The following PDE2A variants were observed in gnomAD, a reference collection of about 807,000 sequenced individuals.
PDE2A encodes cGMP-dependent 3',5'-cyclic phosphodiesterase.
In PDE2A, 53 loss-of-function variants were observed where a neutral mutation model predicts 133.6. The observed-to-expected ratio is 0.40, with a 90% CI of 0.32 to 0.50. PDE2A has a LOEUF of 0.50. PDE2A is among the 20% of genes least tolerant of loss of function. PDE2A has a pLI of 0.73. For synonymous variants in PDE2A, 491 were observed against 490.2 expected, an observed-to-expected ratio of 1.00 and a Z score of -0.02; for missense variants, 796 against 1,232.4, an observed-to-expected ratio of 0.65 and a Z score of 5.30.
chr11:72,639,229 C>A (rs1858845784), intron 2 of PDE2A, among the ~76,000 whole-genome samples: 1 of 152,220 alleles, frequency 6.6e-6, no homozygotes, highest in Non-Finnish European at 1.5e-5. Context: ...CAGCTCTCTC[C>A]TTTCAGATAA....
intron 2 of PDE2A, among the ~76,000 whole-genome samples, chr11:72,611,973 G>A (rs1026727639): frequency 1.3e-5 from 2 of 152,200 alleles, no homozygotes; most frequent in Admixed American, 6.5e-5. Context: ...AGGAAGGAGA[G>A]AATCAGTGGG....
chr11:72,578,136 G>A lies in PDE2A; in HGVS notation c.2615+97C>T. ...CAAGGGGATGAATCAGTTGGACCTG[G>A]GCCAGGCCAATCTCAGCACCTGTGT... On this transcript the variant is annotated intron_variant, in intron 30 of 30. Transcript: ENST00000334456. This position sits in a 1 kb window ranked among gnomAD's most constrained non-coding sequence, Gnocchi z 4.2. 1.2e-6 allele frequency: 1 copy of A among 809,764 alleles called. No homozygotes were observed. The highest frequency in any genetic ancestry group is 1.5e-5 in the South Asian group (1 of 68,720). 50.2% of individuals were successfully genotyped at this position (809,764 alleles called of 1,614,324 possible).
chr11:72,673,086 A>G (rs1268882582), intron 1 of PDE2A, among the ~76,000 whole-genome samples: 1 of 152,092 alleles, frequency 6.6e-6, no homozygotes, highest in Non-Finnish European at 1.5e-5. Context: ...ATCCACCTCC[A>G]CACACAGCAA....
chr11:72,605,018 C>T (rs546006066), intron 4 of PDE2A, 120 bp downstream of exon 4: 53 of 569,676 alleles, frequency 9.3e-5, no homozygotes, highest in Non-Finnish European at 1.5e-4. Context: ...TCCCACCTGG[C>T]AGGGAGGCGG....
intron 1 of PDE2A, among the ~76,000 whole-genome samples, chr11:72,655,071 G>A (rs527947679): frequency 1.3e-5 from 2 of 152,296 alleles, no homozygotes; most frequent in Admixed American, 1.3e-4. Context: ...GGGCTGGCAG[G>A]TGAATGGCAG....
At chr11:72,605,313 G>T in intron 3 of PDE2A, 87 bp from the exon 4 acceptor site, 1 of 627,204 alleles carries the variant, frequency 1.6e-6, no homozygotes, top group Non-Finnish European at 2.6e-6. Flanking sequence ...TGTGGGGCAA[G>T]GTCATGGAAC....
chr11:72,649,359 C>T (rs1000960686), intron 1 of PDE2A: 3 of 152,288 alleles, frequency 2.0e-5, no homozygotes, highest in Non-Finnish European at 4.4e-5. Flanking sequence ...TTTTGTAGGA[C>T]TTACCCAGCT....
intron 2 of PDE2A, among the ~76,000 whole-genome samples, chr11:72,629,905 A>C (rs1409184434): frequency 6.6e-6 from 1 of 152,112 alleles, no homozygotes; most frequent in South Asian, 2.1e-4. Flanking sequence ...GGCTCCTGGC[A>C]CACAGGAGGG....
At chr11:72,642,355 TGTG>T in intron 1 of PDE2A, 29 bp from the exon 2 acceptor site, 1 of 1,520,878 alleles carries the variant, frequency 6.6e-7, no homozygotes, top group South Asian at 1.3e-5. Flanking sequence ...GCGATGAGGA[TGTG>T]GTGCAGCACC....
chr11:72,661,979 A>C (rs888557115), intron 1 of PDE2A, among the ~76,000 whole-genome samples: 2 of 151,962 alleles, frequency 1.3e-5, no homozygotes, highest in Non-Finnish European at 2.9e-5. Context: ...TGTCTGTGCT[A>C]TGGTCTGCTT....
chr11:72,588,756 T>G lies in PDE2A; in HGVS notation c.1070+28A>C, dbSNP rs1179549628. 4 of 1,572,318 alleles carry G rather than the reference T, an allele frequency of 2.5e-6. No individual in the cohort carries two copies. In the African/African-American group the frequency reaches 5.4e-5, roughly 21 times the overall value. On this transcript the variant is annotated intron_variant, in intron 13 of 30. Transcript: ENST00000334456. Reference sequence around the variant, plus strand: ...TAGCCAGCCTCTCAGTGACATCTCCTGATCTGCATCATCCCACAAAGACTC... The same window carrying G: ...TAGCCAGCCTCTCAGTGACATCTCCGGATCTGCATCATCCCACAAAGACTC...
At position 72,586,097 on chromosome 11, in the gene PDE2A, C is replaced by T; in HGVS notation, c.1155G>A (p.Lys385=). 6.2e-7 allele frequency: 1 copy of T among 1,611,628 alleles called. No homozygotes were observed. The highest frequency in any genetic ancestry group is 8.5e-7 in the Non-Finnish European group (1 of 1,178,554). Residue 385 remains lysine (K), a synonymous_variant, in exon 14 of 31, where the codon AAG becomes AAA. Coordinates refer to ENST00000334456, the MANE Select transcript of PDE2A (RefSeq NM_002599.5). ...TVLTSTLAFQ[K]EQKLKCECQA... is the part of the protein sequence containing the mutation. ...GGCACTCACACTTGAGTTTCTGTTC[C>T]TTCTGGAAGGCCAGGGTGCTGGTGA...
At chr11:72,630,973 C>T (rs985782055) in intron 2 of PDE2A, 1 of 913,136 alleles carries the variant, frequency 1.1e-6, no homozygotes, top group Non-Finnish European at 1.7e-6. Flanking sequence ...GGATGTGACT[C>T]CAGCCTCCCC....
chr11:72,584,785 G>A, intron 17 of PDE2A, 57 bp from the exon 18 acceptor site: 6 of 1,609,850 alleles, frequency 3.7e-6, no homozygotes. Flanking sequence ...CCACAGAGGG[G>A]ACTGTTAAAC....
chr11:72,577,307 C>T lies in PDE2A; in HGVS notation c.*77G>A. ...GGTCTAGGACCCAGGACCCGTGGCT[C>T]TGTTCCCAGTGCATCTGGCCAGACC... On this transcript the variant is annotated 3_prime_UTR_variant, in exon 31 of 31. Coordinates refer to ENST00000334456, the MANE Select transcript of PDE2A (RefSeq NM_002599.5). 2 of 1,145,172 alleles carry T rather than the reference C, an allele frequency of 1.7e-6. No homozygotes were observed. Among genetic ancestry groups the T allele is most frequent in the South Asian group, 2.8e-5 (2 of 72,570 alleles). The allele number at this position is 1,145,172 out of a possible 1,614,324, so 70.9% of individuals were successfully genotyped here. A position where few individuals can be genotyped will look rare whatever the true frequency, so the allele number is the denominator to read the frequency against.
chr11:72,653,447 G>C (rs1014094389), intron 1 of PDE2A, among the ~76,000 whole-genome samples: 1 of 152,170 alleles, frequency 6.6e-6, no homozygotes, highest in Non-Finnish European at 1.5e-5. Context: ...AGGCAGGGGG[G>C]TCCTGATTCC....
Position 72,584,735 on chromosome 11 carries a change from G to A in PDE2A, c.1360-7C>T. On this transcript the variant is annotated splice_polypyrimidine_tract_variant and splice_region_variant and intron_variant, in intron 17 of 30. Transcript: ENST00000334456. The stretch of plus-strand genomic sequence containing the variant: ...GGATGCGGATCTCATAGCTCTGCCG[G>A]AGCAGAGATGGAGTCGAGAGGAAGA... 1.9e-6 allele frequency: 3 copies of A among 1,613,078 alleles called. No individual in the cohort carries two copies. Among genetic ancestry groups the A allele is most frequent in the Non-Finnish European group, 1.7e-6 (2 of 1,179,834 alleles).
chr11:72,578,475 C>A lies in PDE2A; in HGVS notation c.2508+1G>T. Reference sequence around the variant, plus strand: ...ACATCCTGGGGTCACTCCACACATACCAGGTCTCCCTGGGAGAAGAATTCT... The same window carrying A: ...ACATCCTGGGGTCACTCCACACATAACAGGTCTCCCTGGGAGAAGAATTCT... On this transcript the variant is annotated splice_donor_variant, in intron 29 of 30. Coordinates refer to ENST00000334456, the MANE Select transcript of PDE2A (RefSeq NM_002599.5). LOFTEE classifies it high-confidence loss of function. The surrounding 1 kb of genome is among the most constrained non-coding windows in gnomAD (Gnocchi z 4.2). The A allele has an allele frequency of 1.2e-6, 2 of 1,613,078 alleles. No homozygotes were observed. The highest frequency in any genetic ancestry group is 1.7e-6 in the Non-Finnish European group (2 of 1,179,040).
chr11:72,660,732 G>T (rs116389229), intron 1 of PDE2A, among the ~76,000 whole-genome samples: 1 of 152,108 alleles, frequency 6.6e-6, no homozygotes, highest in African/African-American at 2.4e-5. Context: ...ACGATACTCA[G>T]TGGCACGGGT....
Sources: allele counts gnomAD v4.1 joint callset (sites outside exome capture counted in the v4.1 genomes callset), GRCh38; gene constraint gnomAD v4.1.1; non-coding constraint Gnocchi (gnomAD v3.1); transcripts MANE v1.5; gene names NCBI Gene and HGNC (gene_info 2026-07-23, HGNC 2026-07-21).